The following CEP72 variants were observed in gnomAD, a reference collection of about 807,000 sequenced individuals.
The protein encoded by CEP72 is centrosomal protein of 72 kDa.
A neutral mutation model predicts 65.7 loss-of-function variants in CEP72; 78 were observed. That is an observed-to-expected ratio of 1.19 (90% confidence interval 0.99 to 1.43). The LOEUF (loss-of-function observed/expected upper bound fraction) is 1.43, where lower values mean the gene tolerates loss of function less well. Ranked by LOEUF, CEP72 falls within the 40% of genes most tolerant of loss-of-function variation. The probability of loss-of-function intolerance (pLI) is 0.00; values close to 1 mark genes in which losing one functional copy is unlikely to be tolerated. For missense variants in CEP72, 914 were observed against 832.9 expected (o/e 1.10, Z -1.20); for synonymous variants, 358 against 351.7 (o/e 1.02, Z -0.20).
At position 645,527 on chromosome 5, in the gene CEP72, T is replaced by C. The variant is rs1013106217; in HGVS notation, c.1666+1102T>C. Reference sequence around the variant, plus strand: ...TGTGTGGTTTGCTCTCCCGGCTCTGTGGGCTTTCTCTGGGTGCGCTGTTTT... The same window carrying C: ...TGTGTGGTTTGCTCTCCCGGCTCTGCGGGCTTTCTCTGGGTGCGCTGTTTT... On this transcript the variant is annotated intron_variant, in intron 10 of 11. Coordinates refer to ENST00000264935, the MANE Select transcript of CEP72 (RefSeq NM_018140.4). This position sits in a 1 kb window ranked among gnomAD's most constrained non-coding sequence, Gnocchi z 4.0. Among the ~76,000 whole-genome samples, 1 of 151,584 alleles carries C rather than the reference T, an allele frequency of 6.6e-6. No individual in the cohort carries two copies. The highest frequency in any genetic ancestry group is 1.5e-5 in the Non-Finnish European group (1 of 67,970).
downstream of CEP72, among the ~76,000 whole-genome samples, chr5:669,920 G>A (rs111645682): frequency 1.3e-5 from 2 of 152,292 alleles, no homozygotes; most frequent in African/African-American, 4.8e-5. Flanking sequence ...GTCCTCCAGA[G>A]ACCAGGGTGC....
intron 4 of CEP72, among the ~76,000 whole-genome samples, chr5:625,680 C>T (rs950819632): frequency 2.6e-5 from 4 of 152,224 alleles, no homozygotes; most frequent in Non-Finnish European, 5.9e-5. Context: ...CTACTTGCTG[C>T]GTGGACAGCA....
chr5:656,505 T>C (rs1033041057), downstream of CEP72, among the ~76,000 whole-genome samples: 3 of 148,448 alleles, frequency 2.0e-5, no homozygotes, highest in African/African-American at 7.9e-5. Context: ...ATGTCTTTTG[T>C]TACATTTAAT....
Position 643,350 on chromosome 5 carries a change from T to C in CEP72, c.1540-949T>C, listed in dbSNP as rs921150974. 5.1e-6 allele frequency: 5 copies of C among 985,342 alleles called. No individual in the cohort carries two copies. The East Asian group carries it at 5.7e-4, about 112-fold the overall frequency. The allele number at this position is 985,342 out of a possible 1,614,324, so 61.0% of individuals were successfully genotyped here. A position where few individuals can be genotyped will look rare whatever the true frequency, so the allele number is the denominator to read the frequency against. On this transcript the variant is annotated intron_variant, in intron 9 of 11. Coordinates refer to ENST00000264935, the MANE Select transcript of CEP72 (RefSeq NM_018140.4). ...CCGCGCGGAGGGCAGGTCATGCTGG[T>C]TGGCGCCACTGCAGCAGACACCTTG...
At chr5:670,031 C>G (rs1030364463), downstream of CEP72, among the ~76,000 whole-genome samples, 3 of 152,198 alleles carry the variant, frequency 2.0e-5, no homozygotes, top group Non-Finnish European at 1.5e-5. Context: ...GCAGCCGCTG[C>G]TCATACACGA....
At chr5:641,086 C>T (rs536531093) in intron 9 of CEP72, 2 of 985,460 alleles carry the variant, frequency 2.0e-6, no homozygotes, top group East Asian at 1.1e-4. Flanking sequence ...GGGCCTCAGG[C>T]TCAGCTCAGC....
chr5:644,246 C>T lies in CEP72; in HGVS notation c.1540-53C>T, dbSNP rs372819656. On this transcript the variant is annotated intron_variant, in intron 9 of 11. Transcript: ENST00000264935. ...TCAGGTTTCAGTTTTACTTTCTATA[C>T]GCATTTTACTGAATTTGACTTGTGC... is the stretch of plus-strand genomic sequence containing the variant. 270 of 1,589,630 alleles carry T rather than the reference C, an allele frequency of 1.7e-4. 3 individuals carry two copies. Among genetic ancestry groups the T allele is most frequent in the Middle Eastern group, 5.1e-4 (3 of 5,938 alleles).
rs57008613 is a variant in CEP72 at position 624,896 on chromosome 5, C to T, written c.512+317C>T. On this transcript the variant is annotated intron_variant, in intron 4 of 11. Coordinates refer to ENST00000264935, the MANE Select transcript of CEP72 (RefSeq NM_018140.4). The surrounding 1 kb of genome is among the most constrained non-coding windows in gnomAD (Gnocchi z 4.7). ...CTCACGTCTGTGGCTGCCTCTGCTTCCAGCTCTCGCTTCAGCTACTTTCTT... is the reference window on the plus strand; with the variant it reads ...CTCACGTCTGTGGCTGCCTCTGCTTTCAGCTCTCGCTTCAGCTACTTTCTT... 6.6e-6 allele frequency among the ~76,000 whole-genome samples: 1 copy of T among 152,240 alleles called. No homozygotes were observed. Among genetic ancestry groups the T allele is most frequent in the Non-Finnish European group, 1.5e-5 (1 of 68,044 alleles).
the CEP72 span, among the ~76,000 whole-genome samples, chr5:673,635 G>A: frequency 6.6e-6 from 1 of 152,222 alleles, no homozygotes; most frequent in Non-Finnish European, 1.5e-5. Context: ...CTGGGCTTGG[G>A]CCACAGCTGT....
Position 642,657 on chromosome 5 carries a change from G to GGCAGCCCTGGGCCTCTGGACAGA in CEP72, c.1540-1631_1540-1609dup, listed in dbSNP as rs1367829932. ...GTTTGCCTAACCCCTGCAGTTTGCA[G>GGCAGCCCTGGGCCTCTGGACAGA]GCAGCCCTGGGCCTCTGGACAGAGC... On this transcript the variant is annotated intron_variant, in intron 9 of 11. Coordinates refer to ENST00000264935, the MANE Select transcript of CEP72 (RefSeq NM_018140.4). 12 of 985,474 alleles carry GGCAGCCCTGGGCCTCTGGACAGA rather than the reference G, an allele frequency of 1.2e-5. No homozygotes were observed. The African/African-American group carries it at 1.7e-4, about 14-fold the overall frequency. 61.0% of individuals were successfully genotyped at this position (985,474 alleles called of 1,614,324 possible).
In CEP72 at chr5:624,424, G is replaced by C; in HGVS notation, c.404-47G>C. 1 of 1,439,768 alleles carries C rather than the reference G, an allele frequency of 6.9e-7. No individual in the cohort carries two copies. Among genetic ancestry groups the C allele is most frequent in the East Asian group, 2.3e-5 (1 of 43,708 alleles). The allele number at this position is 1,439,768 out of a possible 1,614,324, so 89.2% of individuals were successfully genotyped here. A position where few individuals can be genotyped will look rare whatever the true frequency, so the allele number is the denominator to read the frequency against. On this transcript the variant is annotated intron_variant, in intron 3 of 11. Transcript: ENST00000264935. The surrounding 1 kb of genome is among the most constrained non-coding windows in gnomAD (Gnocchi z 4.7). The stretch of plus-strand genomic sequence containing the variant: ...TAGATGCCCCAGGGTGGATGCAGCC[G>C]CCCGCCGCTTGCCACCTGCACAGTC...
At chr5:640,261 T>C in intron 8 of CEP72, 147 bp from the exon 9 acceptor site, 1 of 1,048,716 alleles carries the variant, frequency 9.5e-7, no homozygotes, top group Non-Finnish European at 1.4e-6. Context: ...TGAGGTGGTT[T>C]TGTGGCGCCA....
downstream of CEP72, among the ~76,000 whole-genome samples, chr5:670,504 A>G (rs1392310280): frequency 6.6e-6 from 1 of 152,042 alleles, no homozygotes; most frequent in African/African-American, 2.4e-5. Context: ...GGGATCTTCC[A>G]TTAGCCCCTG....
Position 612,515 on chromosome 5 carries a change from CGGCGGACCGTGGGCA to C in CEP72, c.82+78_82+92del, listed in dbSNP as rs1735735537. On this transcript the variant is annotated intron_variant, in intron 1 of 11. Coordinates refer to ENST00000264935, the MANE Select transcript of CEP72 (RefSeq NM_018140.4). ...GTGGGTGCCGAGCTTCCCGGGGCGGCGGCGGACCGTGGGCAGGCGGGACCCGTCTACGCAGGCGCC... is the reference window on the plus strand; with the variant it reads ...GTGGGTGCCGAGCTTCCCGGGGCGGCGGCGGGACCCGTCTACGCAGGCGCC... 4.0e-5 allele frequency: 53 copies of C among 1,331,128 alleles called. No individual in the cohort carries two copies. In the South Asian group the frequency reaches 8.5e-4, roughly 21 times the overall value. 82.5% of individuals were successfully genotyped at this position (1,331,128 alleles called of 1,614,324 possible).
chr5:618,810 A>AGGG (rs1401967781), intron 1 of CEP72, among the ~76,000 whole-genome samples, 180 bp from the exon 2 acceptor site: 1 of 152,150 alleles, frequency 6.6e-6, no homozygotes, highest in Non-Finnish European at 1.5e-5. Flanking sequence ...GCCGCACTAA[A>AGGG]CTGGACTTTA....
chr5:612,457 CG>C lies in CEP72; in HGVS notation c.82+17del. The stretch of plus-strand genomic sequence containing the variant: ...ACCGCGACCTGGGTGCGCCGGAGGG[CG>C]GGCGGGGGTGCAAGCGTGAGGTGGC... On this transcript the variant is annotated intron_variant, in intron 1 of 11. Coordinates refer to ENST00000264935, the MANE Select transcript of CEP72 (RefSeq NM_018140.4). 1.0e-6 allele frequency: 1 copy of C among 977,896 alleles called. No individual in the cohort carries two copies. 60.6% of individuals were successfully genotyped at this position (977,896 alleles called of 1,614,324 possible).
At chr5:618,238 A>G (rs1461360023) in intron 1 of CEP72, among the ~76,000 whole-genome samples, 1 of 152,182 alleles carries the variant, frequency 6.6e-6, no homozygotes, top group African/African-American at 2.4e-5. Context: ...AGAGATAAAC[A>G]TAAGCCGAAA....
intron 10 of CEP72, among the ~76,000 whole-genome samples, chr5:646,688 C>T (rs1738445410): frequency 6.6e-6 from 1 of 152,322 alleles, no homozygotes; most frequent in East Asian, 1.9e-4. Context: ...GCATGGGGGC[C>T]CCTGGCCTCA....
chr5:668,874 A>G (rs1328637748), downstream of CEP72, among the ~76,000 whole-genome samples: 1 of 152,158 alleles, frequency 6.6e-6, no homozygotes, highest in Non-Finnish European at 1.5e-5. Context: ...TACGCACCCA[A>G]CGCGGTGGGT....
Sources: gnomAD v4.1 joint callset for allele counts (sites outside exome capture counted in the v4.1 genomes callset) on GRCh38, gnomAD v4.1.1 for gene constraint, Gnocchi (gnomAD v3.1) non-coding constraint, MANE v1.5 for transcripts, NCBI Gene and HGNC (gene_info 2026-07-23, HGNC 2026-07-21) for gene names.